The following TCF12 variants were observed in gnomAD, a reference collection of about 807,000 sequenced individuals.
TCF12 encodes DNA-binding protein HTF4.
Under a neutral mutation model 86.0 loss-of-function variants are expected in TCF12, and 45 were observed. The observed-to-expected ratio is 0.52, with a 90% CI of 0.41 to 0.67. The LOEUF is 0.67. Among genes scored for constraint, TCF12 ranks in the 30% least tolerant of loss-of-function variants. The probability of loss-of-function intolerance (pLI) is 0.00; values close to 1 mark genes in which losing one functional copy is unlikely to be tolerated. For missense variants in TCF12, 881 were observed against 859.9 expected, an observed-to-expected ratio of 1.02 and a Z score of -0.31; for synonymous variants, 330 against 299.6, an observed-to-expected ratio of 1.10 and a Z score of -1.05.
intron 13 of TCF12, among the ~76,000 whole-genome samples, chr15:57,248,596 A>C (rs1195346122): frequency 6.6e-6 from 1 of 152,254 alleles, no homozygotes. Context: ...AGAAATTCTC[A>C]GTTTCAGCTA....
At chr15:57,143,150 C>G (rs1454806234) in intron 5 of TCF12, among the ~76,000 whole-genome samples, 2 of 91,740 alleles carry the variant, frequency 2.2e-5, no homozygotes, top group Admixed American at 2.5e-4. Context: ...CTATTACGTG[C>G]CCCCCCCCAC....
intron 12 of TCF12, among the ~76,000 whole-genome samples, chr15:57,236,580 A>G (rs1426164244): frequency 2.8e-4 from 42 of 152,298 alleles, no homozygotes; most frequent in South Asian, 2.1e-4. Context: ...TGTCTAATAT[A>G]TGTCTTAAAA....
chr15:57,003,125 A>G (rs183648894), intron 3 of TCF12, among the ~76,000 whole-genome samples: 10 of 152,304 alleles, frequency 6.6e-5, no homozygotes, highest in African/African-American at 2.2e-4. Flanking sequence ...GCAGATGCCC[A>G]CTTTTCTATG....
chr15:57,176,321 T>A (rs146299812), intron 6 of TCF12, among the ~76,000 whole-genome samples: 2 of 152,338 alleles, frequency 1.3e-5, no homozygotes, highest in Non-Finnish European at 2.9e-5. Context: ...AAATTACTGT[T>A]GACACTAACC....
intron 19 of TCF12, among the ~76,000 whole-genome samples, chr15:57,281,050 G>A (rs2061661172): frequency 6.6e-6 from 1 of 150,920 alleles, no homozygotes; most frequent in South Asian, 2.1e-4. Context: ...GATCCAGTGG[G>A]TTTTTGATCT....
At chr15:57,189,887 G>T (rs2056890651) in intron 6 of TCF12, among the ~76,000 whole-genome samples, 1 of 152,152 alleles carries the variant, frequency 6.6e-6, no homozygotes, top group African/African-American at 2.4e-5. Flanking sequence ...CATACTAAAT[G>T]GAATATTATC....
At chr15:57,247,080 C>T (rs1475669836) in intron 13 of TCF12, 1 of 568,460 alleles carries the variant, frequency 1.8e-6, no homozygotes, top group Admixed American at 2.0e-5. Flanking sequence ...ACTATAATTT[C>T]CGAACTCATT....
intron 5 of TCF12, among the ~76,000 whole-genome samples, chr15:57,163,275 TA>T (rs773708943): frequency 2.2e-4 from 33 of 152,228 alleles, no homozygotes; most frequent in Admixed American, 7.2e-4. Flanking sequence ...TAATTATTTT[TA>T]AAAACCTTAG....
intron 8 of TCF12, among the ~76,000 whole-genome samples, chr15:57,203,800 A>C (rs1406569293): frequency 6.6e-6 from 1 of 152,182 alleles, no homozygotes; most frequent in Non-Finnish European, 1.5e-5. Flanking sequence ...AGGCAGGAGG[A>C]TCACTTGAGC....
intron 17 of TCF12, among the ~76,000 whole-genome samples, 154 bp from the exon 18 acceptor site, chr15:57,262,958 C>T (rs2060657231): frequency 6.6e-6 from 1 of 152,174 alleles, no homozygotes; most frequent in Non-Finnish European, 1.5e-5. Context: ...TTCTTTTCAG[C>T]TCTAAATAGT....
At chr15:56,965,673 G>T (rs998330127) in intron 3 of TCF12, among the ~76,000 whole-genome samples, 3 of 152,086 alleles carry the variant, frequency 2.0e-5, no homozygotes, top group Admixed American at 6.5e-5. Context: ...TGTTTACTGA[G>T]CAGGTCTAGG....
intron 20 of TCF12, among the ~76,000 whole-genome samples, chr15:57,284,297 T>C (rs2061836751): frequency 6.6e-6 from 1 of 152,094 alleles, no homozygotes; most frequent in Non-Finnish European, 1.5e-5. Flanking sequence ...AACTCCCGCC[T>C]CCTGGGTTTG....
chr15:57,005,084 C>T (rs772951095), intron 3 of TCF12, among the ~76,000 whole-genome samples: 3 of 152,132 alleles, frequency 2.0e-5, no homozygotes, highest in Non-Finnish European at 2.9e-5. Flanking sequence ...TAAGGATAGT[C>T]TTTCCTTTGA....
chr15:57,175,856 A>C (rs1022998627), intron 6 of TCF12, among the ~76,000 whole-genome samples: 3 of 152,242 alleles, frequency 2.0e-5, no homozygotes, highest in African/African-American at 4.8e-5. Context: ...GTAGAAATTA[A>C]GCATTCCAGA....
Position 57,262,164 on chromosome 15 carries a change from C to T in TCF12, c.1538C>T (p.Thr513Ile). 6.2e-7 allele frequency: 1 copy of T among 1,613,640 alleles called. No homozygotes were observed. Among genetic ancestry groups the T allele is most frequent in the Non-Finnish European group, 8.5e-7 (1 of 1,179,676 alleles). Residue 513 changes from threonine to isoleucine, a missense_variant, in exon 17 of 21, where the codon ACT becomes ATT. Around this residue, in one of 3 missense-constraint regions of TCF12, gnomAD observed 766 missense variants for 718.9 expected, o/e 1.07. Transcript: ENST00000333725. ...NHSVLSSTVTTSSTDLNHKTQ... is the reference protein window; with the variant it reads ...NHSVLSSTVTISSTDLNHKTQ... ...TCAGTCCTGTCTAGTACAGTCACTACTTCAAGCACAGACCTGAACCATAAA... is the reference window on the plus strand; with the variant it reads ...TCAGTCCTGTCTAGTACAGTCACTATTTCAAGCACAGACCTGAACCATAAA...
chr15:57,220,690 A>G (rs1441193513), intron 8 of TCF12, among the ~76,000 whole-genome samples: 2 of 152,084 alleles, frequency 1.3e-5, no homozygotes, highest in Non-Finnish European at 2.9e-5. Context: ...AGAGGATTTT[A>G]TATATTCTAA....
chr15:57,171,469 T>C (rs1019174528), intron 6 of TCF12, among the ~76,000 whole-genome samples: 1 of 152,172 alleles, frequency 6.6e-6, no homozygotes, highest in Admixed American at 6.5e-5. Context: ...GAAATATAAA[T>C]AGTGACTCCA....
intron 13 of TCF12, among the ~76,000 whole-genome samples, chr15:57,250,599 T>C (rs1205154883): frequency 6.6e-6 from 1 of 151,928 alleles, no homozygotes; most frequent in Non-Finnish European, 1.5e-5. Flanking sequence ...CGTGGTGGTG[T>C]GTGCCTGTAA....
At chr15:57,249,846 G>A (rs764831269) in intron 13 of TCF12, among the ~76,000 whole-genome samples, 35 of 152,186 alleles carry the variant, frequency 2.3e-4, no homozygotes, top group Admixed American at 1.4e-3. Context: ...ATTATTTTCT[G>A]TAAATGACTT....
Sources: allele counts gnomAD v4.1 joint callset (sites outside exome capture counted in the v4.1 genomes callset), GRCh38; gene constraint gnomAD v4.1.1; regional missense constraint gnomAD v4.1.1; transcripts MANE v1.5; gene names NCBI Gene and HGNC (gene_info 2026-07-23, HGNC 2026-07-21).